Variants in NCAM2 observed in about 807,000 individuals in gnomAD.
The protein encoded by NCAM2 is N-CAM-2.
Under a neutral mutation model 98.1 loss-of-function variants are expected in NCAM2, and 30 were observed. The observed-to-expected ratio is 0.31, with a 90% confidence interval of 0.23 to 0.41. The LOEUF is 0.41. Ranked by LOEUF, NCAM2 falls within the 10% of genes least tolerant of loss-of-function variation. The pLI is 1.00. For synonymous variants in NCAM2, 368 were observed against 342.4 expected, an observed-to-expected ratio of 1.07 and a Z score of -0.83; for missense variants, 867 against 1,005.8, an observed-to-expected ratio of 0.86 and a Z score of 1.87.
intron 1 of NCAM2, among the ~76,000 whole-genome samples, chr21:21,258,442 A>T (rs2071759207): frequency 3.3e-5 from 5 of 152,164 alleles, no homozygotes; most frequent in Admixed American, 3.3e-4. Context: ...AAAAGCAGAG[A>T]GAGTCTGGTA....
chr21:21,542,222 C>G lies in NCAM2; in HGVS notation c.*4265C>G, dbSNP rs1005222066. 6.6e-6 allele frequency: 1 copy of G among 151,668 alleles called. No homozygotes were observed. Among genetic ancestry groups the G allele is most frequent in the Non-Finnish European group, 1.5e-5 (1 of 67,782 alleles). The allele number at this position is 151,668 out of a possible 1,614,324, so 9.4% of individuals were successfully genotyped here. On this transcript the variant is annotated 3_prime_UTR_variant, in exon 18 of 18. Coordinates refer to ENST00000400546, the MANE Select transcript of NCAM2 (RefSeq NM_004540.5). ...AATTTTCTTCCAGCTCCCATCCTTC[C>G]TTTTTGAAAAATTGAATTTACCCAT...
At chr21:21,396,514 G>A (rs957876644) in intron 9 of NCAM2, among the ~76,000 whole-genome samples, 1 of 152,038 alleles carries the variant, frequency 6.6e-6, no homozygotes, top group African/African-American at 2.4e-5. Flanking sequence ...TGCTTCCACT[G>A]GGCTCATTCT....
At chr21:21,428,913 CTA>C (rs1399817649) in intron 11 of NCAM2, among the ~76,000 whole-genome samples, 4 of 152,044 alleles carry the variant, frequency 2.6e-5, no homozygotes, top group Non-Finnish European at 4.4e-5. Context: ...TCACTTTGTT[CTA>C]TGTTACATGT....
intron 1 of NCAM2, among the ~76,000 whole-genome samples, chr21:21,193,536 G>A (rs975723658): frequency 3.0e-5 from 4 of 135,100 alleles, no homozygotes; most frequent in East Asian, 2.2e-4. Context: ...TCGCTCTGTC[G>A]CCAGGCTGGA....
intron 1 of NCAM2, among the ~76,000 whole-genome samples, chr21:21,262,998 CACA>C (rs1221506134): frequency 6.6e-6 from 1 of 152,044 alleles, no homozygotes; most frequent in Non-Finnish European, 1.5e-5. Context: ...GGGTCACTCC[CACA>C]ACAACATGTG....
chr21:21,365,834 A>C (rs1358735847), intron 8 of NCAM2, among the ~76,000 whole-genome samples: 2 of 152,124 alleles, frequency 1.3e-5, no homozygotes, highest in Non-Finnish European at 1.5e-5. Context: ...ATGACTAGCA[A>C]AATCAAGACA....
chr21:21,032,876 C>A (rs567944834), intron 1 of NCAM2, among the ~76,000 whole-genome samples: 1 of 152,010 alleles, frequency 6.6e-6, no homozygotes, highest in Non-Finnish European at 1.5e-5. Context: ...CATACTTTAG[C>A]AAAATACTCT....
chr21:21,172,592 A>T (rs984257263), intron 1 of NCAM2, among the ~76,000 whole-genome samples: 2 of 152,152 alleles, frequency 1.3e-5, no homozygotes, highest in African/African-American at 4.8e-5. Flanking sequence ...TGGCATAATT[A>T]TATGTGAGAA....
intron 1 of NCAM2, among the ~76,000 whole-genome samples, chr21:21,088,533 T>C (rs1569009923): frequency 6.6e-6 from 1 of 152,200 alleles, no homozygotes. Flanking sequence ...AAACCACATA[T>C]AACAACCTCC....
intron 7 of NCAM2, among the ~76,000 whole-genome samples, chr21:21,336,570 AAAG>A (rs1369414640): frequency 3.9e-5 from 6 of 152,170 alleles, no homozygotes; most frequent in Admixed American, 2.6e-4. Flanking sequence ...ATAAAAAAAA[AAAG>A]AAGGACCAGT....
At chr21:21,157,807 A>G (rs900160816) in intron 1 of NCAM2, among the ~76,000 whole-genome samples, 1 of 152,154 alleles carries the variant, frequency 6.6e-6, no homozygotes, top group African/African-American at 2.4e-5. Flanking sequence ...TTAGTCTTTA[A>G]AAAGTTTTGT....
chr21:21,177,461 C>G (rs921891478), intron 1 of NCAM2, among the ~76,000 whole-genome samples: 25 of 151,978 alleles, frequency 1.6e-4, no homozygotes, highest in South Asian at 1.0e-3. Flanking sequence ...TATTAATTAG[C>G]ATTACCAAAT....
intron 8 of NCAM2, among the ~76,000 whole-genome samples, chr21:21,352,854 T>G (rs2075380051): frequency 6.6e-6 from 1 of 150,458 alleles, no homozygotes; most frequent in African/African-American, 2.4e-5. Flanking sequence ...AAAGTGTTTT[T>G]GTTTTTGTTT....
At chr21:21,148,418 G>A (rs181906679) in intron 1 of NCAM2, among the ~76,000 whole-genome samples, 1 of 152,246 alleles carries the variant, frequency 6.6e-6, no homozygotes, top group East Asian at 1.9e-4. Context: ...GTAGGGGCAC[G>A]TCTCTTTGAC....
chr21:21,271,917 A>T (rs2072516051), intron 1 of NCAM2, among the ~76,000 whole-genome samples: 1 of 152,126 alleles, frequency 6.6e-6, no homozygotes, highest in Non-Finnish European at 1.5e-5. Flanking sequence ...GTGGGGAGGG[A>T]TAGCATTAGG....
chr21:21,003,161 A>G (rs906990377), intron 1 of NCAM2, among the ~76,000 whole-genome samples: 6 of 152,278 alleles, frequency 3.9e-5, no homozygotes, highest in Admixed American at 6.5e-5. Context: ...CACTTGTGCC[A>G]CTAAGGATCC....
chr21:21,209,090 C>A (rs1440618694), intron 1 of NCAM2, among the ~76,000 whole-genome samples: 1 of 151,696 alleles, frequency 6.6e-6, no homozygotes, highest in African/African-American at 2.4e-5. Context: ...TTTATCGACA[C>A]CTTGATGTTC....
In NCAM2 at chr21:21,534,327, G is replaced by GA. The variant is rs1400758380; in HGVS notation, c.2283-204dup. Among the ~76,000 whole-genome samples, 21 of 151,798 alleles carry GA rather than the reference G, an allele frequency of 1.4e-4. No homozygotes were observed. In the South Asian group the frequency reaches 1.7e-3, roughly 12 times the overall value. On this transcript the variant is annotated intron_variant, in intron 16 of 17. Transcript: ENST00000400546. ...CAGTTTTGATGAGAAAATCTATCTA[G>GA]AAAAAATGGAATTTCTTCCTTTTTT...
At chr21:21,127,663 T>A (rs954358106) in intron 1 of NCAM2, among the ~76,000 whole-genome samples, 1 of 152,160 alleles carries the variant, frequency 6.6e-6, no homozygotes, top group Non-Finnish European at 1.5e-5. Flanking sequence ...TCTACCTTTA[T>A]GAAATCAACA....
Sources: allele counts gnomAD v4.1 joint callset (sites outside exome capture counted in the v4.1 genomes callset), GRCh38; gene constraint gnomAD v4.1.1; transcripts MANE v1.5; gene names NCBI Gene and HGNC (gene_info 2026-07-23, HGNC 2026-07-21).